The following SOHLH1 variants were observed in gnomAD, a reference collection of about 807,000 sequenced individuals.
The protein encoded by SOHLH1 is spermatogenesis- and oogenesis-specific basic helix-loop-helix-containing protein 1.
Under a neutral mutation model 36.2 loss-of-function variants are expected in SOHLH1, and 23 were observed. The observed-to-expected ratio is 0.64, with a 90% CI of 0.46 to 0.90. The LOEUF (loss-of-function observed/expected upper bound fraction) is 0.90, where lower values mean the gene tolerates loss of function less well. Among genes scored for constraint, SOHLH1 ranks in the 40% least tolerant of loss-of-function variants. The probability of loss-of-function intolerance (pLI) is 0.00; values close to 1 mark genes in which losing one functional copy is unlikely to be tolerated. For synonymous variants in SOHLH1, 289 were observed against 228.3 expected, an observed-to-expected ratio of 1.27 and a Z score of -2.40; for missense variants, 608 against 517.0, an observed-to-expected ratio of 1.18 and a Z score of -1.71.
intron 5 of SOHLH1, among the ~76,000 whole-genome samples, 173 bp from the exon 6 acceptor site, chr9:135,695,436 G>A (rs369119349): frequency 3.3e-5 from 5 of 152,156 alleles, no homozygotes; most frequent in Admixed American, 6.5e-5. Flanking sequence ...GTGGCACACA[G>A]GTAAACAAGG....
At chr9:135,697,970 GC>G (rs1834874809) in intron 3 of SOHLH1, among the ~76,000 whole-genome samples, 5 of 38,286 alleles carry the variant, frequency 1.3e-4, no homozygotes, top group Non-Finnish European at 2.6e-4. Context: ...GGGGAGAGGA[GC>G]CTCTCTCTTG....
rs746671996 is a variant in SOHLH1, at chr9:135,699,026, G to A, written c.166C>T (p.Arg56Trp). 12 of 1,611,478 alleles carry A rather than the reference G, an allele frequency of 7.4e-6. No individual in the cohort carries two copies. The highest frequency in any genetic ancestry group is 1.1e-5 in the South Asian group (1 of 91,040). ...TVAEGPSSCL[R>W]RNVISERERR... The stretch of plus-strand genomic sequence containing the variant: ...TCCCTCTCGCTGATCACGTTCCGCC[G>A]AAGGCAGGAGCTGGGACCCTCGGCC... The change falls in exon 2 of 8, where the codon CGG (arginine) becomes TGG (tryptophan). Residue 56 changes from arginine to tryptophan, a missense_variant. Transcript: ENST00000425225.
chr9:135,694,005 G>C (rs534758336), intron 7 of SOHLH1, 191 bp from the exon 8 acceptor site: 2 of 1,428,398 alleles, frequency 1.4e-6, no homozygotes, highest in Non-Finnish European at 1.8e-6. Flanking sequence ...TGTTGGACCA[G>C]AACCAGGAAC....
chr9:135,698,136 AG>A (rs915299365), intron 3 of SOHLH1, among the ~76,000 whole-genome samples, 192 bp downstream of exon 3: 2 of 152,164 alleles, frequency 1.3e-5, no homozygotes, highest in African/African-American at 4.8e-5. Context: ...GCTCCTTTCC[AG>A]GAACAGAATA....
intron 6 of SOHLH1, among the ~76,000 whole-genome samples, chr9:135,694,774 C>T (rs1021427627): frequency 6.7e-6 from 1 of 150,142 alleles, no homozygotes; most frequent in Non-Finnish European, 1.5e-5. Flanking sequence ...TATGTGCTCA[C>T]GAAACACAAA....
chr9:135,701,052 G>C (rs1564303496), upstream of SOHLH1, among the ~76,000 whole-genome samples: 1 of 152,260 alleles, frequency 6.6e-6, no homozygotes, highest in South Asian at 2.1e-4. Flanking sequence ...TTGGCAGAAA[G>C]GCCACCATCT....
chr9:135,695,739 G>A (rs537864331), intron 5 of SOHLH1, among the ~76,000 whole-genome samples: 5 of 152,240 alleles, frequency 3.3e-5, no homozygotes, highest in Non-Finnish European at 5.9e-5. Flanking sequence ...CATGGCACCT[G>A]GCGACTTCCA....
At position 135,693,490 on chromosome 9, in the gene SOHLH1, G is replaced by A. The variant is rs1564295348; in HGVS notation, c.*107C>T. ...AGCCTGTAAGCCTCGCTCAAATTAG[G>A]GTGCAGCTGCAACCCAAACCCAAAA... is the stretch of plus-strand genomic sequence containing the variant. On this transcript the variant is annotated 3_prime_UTR_variant, in exon 8 of 8. Transcript: ENST00000425225. 7 of 1,394,208 alleles carry A rather than the reference G, an allele frequency of 5.0e-6. No homozygotes were observed. The highest frequency in any genetic ancestry group is 2.9e-5 in the African/African-American group (2 of 69,044). The allele number at this position is 1,394,208 out of a possible 1,614,324, so 86.4% of individuals were successfully genotyped here. A position where few individuals can be genotyped will look rare whatever the true frequency, so the allele number is the denominator to read the frequency against.
chr9:135,700,630 C>T (rs1165804117), upstream of SOHLH1, among the ~76,000 whole-genome samples: 1 of 152,150 alleles, frequency 6.6e-6, no homozygotes, highest in African/African-American at 2.4e-5. Context: ...GGAGAAGGCG[C>T]GGCTCTGGGC....
At chr9:135,700,702 G>T (rs1326649631), upstream of SOHLH1, among the ~76,000 whole-genome samples, 1 of 152,212 alleles carries the variant, frequency 6.6e-6, no homozygotes, top group South Asian at 2.1e-4. Context: ...AGCAGAGGGA[G>T]GTTATGTAAT....
upstream of SOHLH1, chr9:135,699,632 G>A (rs928302195): frequency 5.5e-6 from 4 of 731,360 alleles, no homozygotes; most frequent in East Asian, 2.7e-5. Context: ...TCCCCACGCA[G>A]CCAGCCCGGG....
At chr9:135,699,683 G>C (rs1257731180), upstream of SOHLH1, among the ~76,000 whole-genome samples, 1 of 151,888 alleles carries the variant, frequency 6.6e-6, no homozygotes, top group African/African-American at 2.4e-5. Context: ...GTGCTGGAAA[G>C]GGACTCGGGG....
intron 3 of SOHLH1, among the ~76,000 whole-genome samples, chr9:135,698,007 G>A (rs899675001): frequency 1.3e-5 from 2 of 152,230 alleles, no homozygotes; most frequent in African/African-American, 4.8e-5. Context: ...ATGATCTAGG[G>A]GGTGCTCAGC....
intron 7 of SOHLH1, 197 bp from the exon 8 acceptor site, chr9:135,694,011 G>A: frequency 7.0e-7 from 1 of 1,427,980 alleles, no homozygotes; most frequent in Non-Finnish European, 9.1e-7. Context: ...ACCAGAACCA[G>A]GAACGGGCTC....
Position 135,698,414 on chromosome 9 carries a change from C to T in SOHLH1, c.260G>A (p.Arg87Gln), listed in dbSNP as rs201580668. 5.0e-6 allele frequency: 8 copies of T among 1,613,184 alleles called. No homozygotes were observed. Among genetic ancestry groups the T allele is most frequent in the Non-Finnish European group, 5.9e-6 (7 of 1,180,030 alleles). ...CTCCAGGACCGAGGCCATGTCCTCCCGCCGGCCATCGAACTGGGGCAGCAG... is the reference window on the plus strand; with the variant it reads ...CTCCAGGACCGAGGCCATGTCCTCCTGCCGGCCATCGAACTGGGGCAGCAG... ...RALLPQFDGR[R>Q]EDMASVLEMS... Residue 87 changes from arginine (R) to glutamine (Q), a missense_variant, in exon 3 of 8, where the codon CGG becomes CAG. Coordinates refer to ENST00000425225, the MANE Select transcript of SOHLH1 (RefSeq NM_001101677.2).
chr9:135,694,200 TCA>T (rs1429907055), intron 7 of SOHLH1, 185 bp downstream of exon 7: 13 of 1,443,950 alleles, frequency 9.0e-6, no homozygotes, highest in African/African-American at 2.9e-5. Flanking sequence ...ACTCACACAC[TCA>T]CATATCACCT....
intron 7 of SOHLH1, chr9:135,694,181 A>G: frequency 6.9e-7 from 1 of 1,439,668 alleles, no homozygotes; most frequent in Non-Finnish European, 9.1e-7. Flanking sequence ...GCTCGTCCAC[A>G]TCACGTTCAC....
At position 135,699,060 on chromosome 9, in the gene SOHLH1, G is replaced by T. The variant is rs754374421; in HGVS notation, c.132C>A (p.Ala44=). The part of the protein sequence containing the change: ...DSARGSGPPK[A]PTVAEGPSSC... ...AGCTGGGACCCTCGGCCACCGTAGGGGCCTTGGGCGGGCCCGAGCCCCGGG... is the reference window on the plus strand; with the variant it reads ...AGCTGGGACCCTCGGCCACCGTAGGTGCCTTGGGCGGGCCCGAGCCCCGGG... Residue 44 remains alanine, a synonymous_variant, in exon 2 of 8, where the codon GCC becomes GCA. Transcript: ENST00000425225. The T allele has an allele frequency of 6.2e-6, 10 of 1,611,108 alleles. No homozygotes were observed. The highest frequency in any genetic ancestry group is 5.0e-5 in the Admixed American group (3 of 59,984).
chr9:135,699,604 G>C (rs1288151051), upstream of SOHLH1: 4 of 899,512 alleles, frequency 4.4e-6, no homozygotes, highest in Non-Finnish European at 6.9e-6. Context: ...CGCCCCCATA[G>C]CGCATGCGCT....
Sources: gnomAD v4.1 joint callset for allele counts (sites outside exome capture counted in the v4.1 genomes callset) on GRCh38, gnomAD v4.1.1 for gene constraint, MANE v1.5 for transcripts, NCBI Gene and HGNC (gene_info 2026-07-23, HGNC 2026-07-21) for gene names.